The following EXOC6B variants were observed in gnomAD, a reference collection of about 807,000 sequenced individuals.
EXOC6B encodes the protein exocyst complex component 6B.
In EXOC6B, 54 loss-of-function variants were observed where a neutral mutation model predicts 113.5. That is an observed-to-expected ratio of 0.48 (90% CI 0.38 to 0.60). EXOC6B has a LOEUF of 0.60. Ranked by LOEUF, EXOC6B falls within the 20% of genes least tolerant of loss-of-function variation. The probability of loss-of-function intolerance (pLI) is 0.00; values close to 1 mark genes in which losing one functional copy is unlikely to be tolerated. For synonymous variants in EXOC6B, 357 were observed against 339.0 expected (o/e 1.05, Z -0.58); for missense variants, 797 against 977.5 (o/e 0.82, Z 2.46).
At chr2:72,757,063 C>T (rs1180326376) in intron 1 of EXOC6B, among the ~76,000 whole-genome samples, 4 of 152,090 alleles carry the variant, frequency 2.6e-5, no homozygotes, top group Non-Finnish European at 5.9e-5. Flanking sequence ...TTATCTATTA[C>T]TTAAATAAAC....
chr2:72,383,145 G>A (rs765201263), intron 18 of EXOC6B, among the ~76,000 whole-genome samples: 58 of 152,090 alleles, frequency 3.8e-4, no homozygotes, highest in Non-Finnish European at 8.1e-4. Context: ...TGACAAATGG[G>A]ATCTAATTAA....
chr2:72,587,380 T>C (rs922824852), intron 6 of EXOC6B, among the ~76,000 whole-genome samples: 1 of 151,962 alleles, frequency 6.6e-6, no homozygotes, highest in Non-Finnish European at 1.5e-5. Context: ...ATCATGGACA[T>C]AAAGATGGCA....
rs769438306 is a variant in EXOC6B, at chr2:72,618,277, G to A, written c.670-42609C>T. 7.9e-5 allele frequency among the ~76,000 whole-genome samples: 12 copies of A among 152,064 alleles called. No homozygotes were observed. In the East Asian group the frequency reaches 9.6e-4, roughly 12 times the overall value. On this transcript the variant is annotated intron_variant, in intron 6 of 21. Transcript: ENST00000272427. ...TCAGCCACTTGGGAGGCTGAGACAG[G>A]AGAATCGTTTGAACCCAGGAGGCGG...
chr2:72,563,655 A>T (rs1704008709), intron 7 of EXOC6B, among the ~76,000 whole-genome samples: 1 of 152,182 alleles, frequency 6.6e-6, no homozygotes, highest in African/African-American at 2.4e-5. Context: ...TTTAGCATAG[A>T]TATGGGAATA....
intron 1 of EXOC6B, among the ~76,000 whole-genome samples, chr2:72,763,225 T>C (rs916739194): frequency 6.6e-6 from 1 of 152,102 alleles, no homozygotes. Context: ...ACATAAATTA[T>C]CTCCTCTTAT....
At chr2:72,708,266 T>C (rs916861357) in intron 6 of EXOC6B, among the ~76,000 whole-genome samples, 4 of 152,128 alleles carry the variant, frequency 2.6e-5, no homozygotes, top group South Asian at 2.1e-4. Context: ...CATGTTAGGA[T>C]AGTGGAACCA....
chr2:72,394,311 G>A (rs1226112313), intron 18 of EXOC6B, among the ~76,000 whole-genome samples: 1 of 152,016 alleles, frequency 6.6e-6, no homozygotes, highest in East Asian at 1.9e-4. Flanking sequence ...GCAAAAAAGT[G>A]GAAAATGTAT....
At position 72,401,556 on chromosome 2, in the gene EXOC6B, T is replaced by C. The variant is rs865979120; in HGVS notation, c.1981-21686A>G. ...ATATATATATATATGTGTATATATA[T>C]ATATATATACATATATATATATATA... is the stretch of plus-strand genomic sequence containing the variant. On this transcript the variant is annotated intron_variant, in intron 18 of 21. Transcript: ENST00000272427. Among the ~76,000 whole-genome samples, 137 of 40,696 alleles carry C rather than the reference T, an allele frequency of 3.4e-3. 11 individuals are homozygous for C. Among genetic ancestry groups the C allele is most frequent in the Admixed American group, 6.4e-3 (17 of 2,638 alleles). The allele number at this position is 40,696 out of a possible 152,430, so 26.7% of individuals were successfully genotyped here.
At chr2:72,303,437 T>C (rs990522491) in intron 20 of EXOC6B, among the ~76,000 whole-genome samples, 19 of 152,158 alleles carry the variant, frequency 1.2e-4, no homozygotes, top group African/African-American at 4.6e-4. Context: ...TTCATTTCTT[T>C]TTATTATTTT....
At chr2:72,573,887 G>C (rs757466664) in intron 7 of EXOC6B, among the ~76,000 whole-genome samples, 1 of 152,072 alleles carries the variant, frequency 6.6e-6, no homozygotes, top group Non-Finnish European at 1.5e-5. Flanking sequence ...AGTCCGAGTC[G>C]GGTGGATCAC....
chr2:72,327,246 TA>T (rs1471367963), intron 20 of EXOC6B, among the ~76,000 whole-genome samples: 1 of 152,058 alleles, frequency 6.6e-6, no homozygotes, highest in Non-Finnish European at 1.5e-5. Context: ...ACATTGCTAC[TA>T]AGTGGGTGTG....
intron 20 of EXOC6B, among the ~76,000 whole-genome samples, chr2:72,282,161 A>T (rs940572877): frequency 1.4e-4 from 22 of 152,170 alleles, no homozygotes; most frequent in Admixed American, 7.9e-4. Context: ...ATTTTTTAAA[A>T]TATGAAAAGC....
intron 20 of EXOC6B, among the ~76,000 whole-genome samples, chr2:72,275,055 CTG>C (rs1684728826): frequency 6.6e-6 from 1 of 152,134 alleles, no homozygotes; most frequent in African/African-American, 2.4e-5. Context: ...TCATGAGTGA[CTG>C]TCAAATAAAT....
chr2:72,416,835 A>T (rs1282910985), intron 18 of EXOC6B, among the ~76,000 whole-genome samples: 2 of 152,198 alleles, frequency 1.3e-5, no homozygotes, highest in Non-Finnish European at 2.9e-5. Flanking sequence ...TTAGAGGCAC[A>T]CAAGTCATTA....
At chr2:72,559,631 T>G (rs1448493858) in intron 7 of EXOC6B, 110 bp from the exon 8 acceptor site, 16 of 743,276 alleles carry the variant, frequency 2.2e-5, no homozygotes, top group Non-Finnish European at 4.3e-6. Context: ...CAGTTCTAGC[T>G]TGTAAGTGAG....
intron 1 of EXOC6B, among the ~76,000 whole-genome samples, chr2:72,747,843 T>A (rs895145822): frequency 6.6e-6 from 1 of 152,094 alleles, no homozygotes; most frequent in Admixed American, 6.6e-5. Flanking sequence ...GATTCTATTA[T>A]GTGCTCCTCC....
At chr2:72,502,564 A>G (rs1700382361) in intron 11 of EXOC6B, among the ~76,000 whole-genome samples, 1 of 152,128 alleles carries the variant, frequency 6.6e-6, no homozygotes, top group Non-Finnish European at 1.5e-5. Flanking sequence ...ATAAATAAAA[A>G]TAAATACAGG....
At chr2:72,193,856 C>T (rs147363285) in intron 20 of EXOC6B, among the ~76,000 whole-genome samples, 3 of 125,944 alleles carry the variant, frequency 2.4e-5, no homozygotes, top group African/African-American at 1.2e-4. Context: ...CTGCTACCTG[C>T]TTTTTTCTAG....
chr2:72,541,180 C>T (rs1327729300), intron 8 of EXOC6B, among the ~76,000 whole-genome samples: 1 of 152,120 alleles, frequency 6.6e-6, no homozygotes, highest in Admixed American at 6.6e-5. Flanking sequence ...TCCACTTTTG[C>T]TTCTTTCTCA....
Sources: allele counts gnomAD v4.1 joint callset (sites outside exome capture counted in the v4.1 genomes callset), GRCh38; gene constraint gnomAD v4.1.1; transcripts MANE v1.5; gene names NCBI Gene and HGNC (gene_info 2026-07-23, HGNC 2026-07-21).